Variants in KHDRBS2 observed in about 807,000 individuals in gnomAD.
KHDRBS2 encodes KH domain-containing, RNA-binding, signal transduction-associated protein 2.
In KHDRBS2, 26 loss-of-function variants were observed where a neutral mutation model predicts 44.3. The observed-to-expected ratio is 0.59, with a 90% CI of 0.43 to 0.81. The LOEUF (loss-of-function observed/expected upper bound fraction) is 0.81. KHDRBS2 is among the 40% of genes least tolerant of loss of function. The pLI is 0.00. For missense variants in KHDRBS2, 476 were observed against 433.1 expected (o/e 1.10, Z -0.88); for synonymous variants, 194 against 151.1 (o/e 1.28, Z -2.08).
intron 3 of KHDRBS2, among the ~76,000 whole-genome samples, chr6:62,001,860 T>C (rs1342422079): frequency 6.6e-6 from 1 of 152,136 alleles, no homozygotes; most frequent in Non-Finnish European, 1.5e-5. Flanking sequence ...CTGACACATC[T>C]ATTTCATCTT....
At chr6:61,952,879 C>A (rs750780978) in intron 4 of KHDRBS2, among the ~76,000 whole-genome samples, 3 of 152,030 alleles carry the variant, frequency 2.0e-5, no homozygotes, top group Non-Finnish European at 2.9e-5. Context: ...CACACATTAT[C>A]TCTGTGTATA....
chr6:61,576,431 CT>C, the KHDRBS2 span, among the ~76,000 whole-genome samples: 1 of 152,014 alleles, frequency 6.6e-6, no homozygotes. Flanking sequence ...TATGCTGAAA[CT>C]TTACTGAATT....
At chr6:61,822,205 C>A (rs1460258759) in intron 6 of KHDRBS2, among the ~76,000 whole-genome samples, 1 of 151,882 alleles carries the variant, frequency 6.6e-6, no homozygotes, top group Non-Finnish European at 1.5e-5. Flanking sequence ...ATAGGTACCT[C>A]CAAATCAGTC....
intron 4 of KHDRBS2, among the ~76,000 whole-genome samples, chr6:61,959,957 G>GA (rs1768272069): frequency 6.6e-6 from 1 of 152,066 alleles, no homozygotes; most frequent in Admixed American, 6.6e-5. Context: ...ATTTCATTTA[G>GA]AAAAATAAAT....
intron 1 of KHDRBS2, among the ~76,000 whole-genome samples, chr6:62,277,674 G>A (rs546768759): frequency 2.0e-5 from 3 of 152,152 alleles, no homozygotes; most frequent in African/African-American, 7.2e-5. Flanking sequence ...ACATTCAAGG[G>A]CATATGTGAT....
intron 2 of KHDRBS2, among the ~76,000 whole-genome samples, chr6:62,162,545 AC>A (rs1325739307): frequency 6.6e-6 from 1 of 152,114 alleles, no homozygotes; most frequent in African/African-American, 2.4e-5. Context: ...ATGGATAGCT[AC>A]TACTGTGCTA....
chr6:62,052,701 T>A (rs574150827), intron 2 of KHDRBS2, among the ~76,000 whole-genome samples: 26 of 152,072 alleles, frequency 1.7e-4, no homozygotes, highest in African/African-American at 5.5e-4. Flanking sequence ...AAGATTCTCA[T>A]AAGGAATGCA....
At chr6:61,662,916 T>C in the KHDRBS2 span, among the ~76,000 whole-genome samples, 11 of 151,846 alleles carry the variant, frequency 7.2e-5, no homozygotes, top group Middle Eastern at 6.8e-3. Flanking sequence ...ACCCAAAGGA[T>C]TATAAATCAT....
the KHDRBS2 span, among the ~76,000 whole-genome samples, chr6:61,646,657 T>C: frequency 4.1e-4 from 62 of 152,252 alleles, no homozygotes; most frequent in African/African-American, 1.5e-3. Context: ...AGAAAAGTCC[T>C]TGGAGTTCCC....
chr6:61,945,285 A>T (rs1813144632), intron 4 of KHDRBS2, among the ~76,000 whole-genome samples: 1 of 150,582 alleles, frequency 6.6e-6, no homozygotes, highest in African/African-American at 2.4e-5. Flanking sequence ...CACGAAAATA[A>T]AACAGGATTA....
chr6:61,723,153 T>TC (rs1473469604), intron 7 of KHDRBS2, among the ~76,000 whole-genome samples: 2 of 93,420 alleles, frequency 2.1e-5, no homozygotes, highest in Non-Finnish European at 4.3e-5. Context: ...GGCCTGACCA[T>TC]AAAAAACAAA....
At chr6:62,219,278 T>C (rs998893006) in intron 1 of KHDRBS2, among the ~76,000 whole-genome samples, 2 of 151,810 alleles carry the variant, frequency 1.3e-5, no homozygotes, top group African/African-American at 4.8e-5. Flanking sequence ...ATATATATGA[T>C]TATAAGAGAT....
chr6:62,233,569 C>T (rs958270874), intron 1 of KHDRBS2, among the ~76,000 whole-genome samples: 9 of 152,206 alleles, frequency 5.9e-5, no homozygotes, highest in African/African-American at 2.2e-4. Flanking sequence ...GTTTGTTGTA[C>T]AGATTATTTC....
At chr6:62,278,610 A>T (rs1335436177) in intron 1 of KHDRBS2, among the ~76,000 whole-genome samples, 2 of 152,218 alleles carry the variant, frequency 1.3e-5, no homozygotes, top group Non-Finnish European at 2.9e-5. Context: ...ATTAAAACAC[A>T]TAAATGAATG....
chr6:61,584,379 G>C, the KHDRBS2 span, among the ~76,000 whole-genome samples: 2 of 151,760 alleles, frequency 1.3e-5, no homozygotes, highest in Non-Finnish European at 1.5e-5. Flanking sequence ...GCTTGAGGAA[G>C]TTTTATTTCT....
At chr6:61,855,023 G>T (rs1281938348) in intron 6 of KHDRBS2, among the ~76,000 whole-genome samples, 2 of 152,000 alleles carry the variant, frequency 1.3e-5, no homozygotes, top group Admixed American at 1.3e-4. Flanking sequence ...CTCCCCTAAT[G>T]TTCAAAGTAT....
Position 62,031,117 on chromosome 6 carries a change from CA to C in KHDRBS2, c.336+16760del, listed in dbSNP as rs1263978523. On this transcript the variant is annotated intron_variant, in intron 3 of 8. Coordinates refer to ENST00000281156, the MANE Select transcript of KHDRBS2 (RefSeq NM_152688.4). ...AAGCAGATTAGAGCTCACCAGGGAC[CA>C]GGGGTGGAGGGAGGCTCAAATAATT... Among the ~76,000 whole-genome samples, 13 of 152,120 alleles carry C rather than the reference CA, an allele frequency of 8.5e-5. No homozygotes were observed. In the East Asian group the frequency reaches 2.3e-3, roughly 27 times the overall value.
chr6:61,796,655 A>T (rs1250613968), intron 6 of KHDRBS2, among the ~76,000 whole-genome samples: 1 of 152,142 alleles, frequency 6.6e-6, no homozygotes, highest in Non-Finnish European at 1.5e-5. Flanking sequence ...TGCTTAAAAA[A>T]TTTGAAAAAA....
intron 4 of KHDRBS2, among the ~76,000 whole-genome samples, chr6:61,956,024 C>G (rs547593614): frequency 1.1e-4 from 16 of 152,114 alleles, no homozygotes; most frequent in African/African-American, 3.9e-4. Context: ...GAAACCCCAT[C>G]TCTACTGAAA....
Sources: allele counts gnomAD v4.1 joint callset (sites outside exome capture counted in the v4.1 genomes callset), GRCh38; gene constraint gnomAD v4.1.1; transcripts MANE v1.5; gene names NCBI Gene and HGNC (gene_info 2026-07-23, HGNC 2026-07-21).